The following SLC17A4 variants were observed in gnomAD, a reference collection of about 807,000 sequenced individuals.
The protein encoded by SLC17A4 is probable small intestine urate exporter.
Under a neutral mutation model 52.5 loss-of-function variants are expected in SLC17A4, and 33 were observed. That is an observed-to-expected ratio of 0.63 (90% CI 0.48 to 0.84). The LOEUF (loss-of-function observed/expected upper bound fraction) is 0.84, where lower values mean the gene tolerates loss of function less well. Ranked by LOEUF, SLC17A4 falls within the 40% of genes least tolerant of loss-of-function variation. The probability of loss-of-function intolerance (pLI) is 0.00; values close to 1 mark genes in which losing one functional copy is unlikely to be tolerated. For missense variants in SLC17A4, 585 were observed against 597.1 expected (o/e 0.98, Z 0.21); for synonymous variants, 225 against 216.2 (o/e 1.04, Z -0.36).
chr6:25,767,856 T>G (rs1762149988), intron 2 of SLC17A4, among the ~76,000 whole-genome samples: 4 of 152,224 alleles, frequency 2.6e-5, no homozygotes, highest in South Asian at 4.1e-4. Flanking sequence ...TAATTTGTCT[T>G]TCTTTATTGA....
At chr6:25,768,346 T>A (rs897566342) in intron 2 of SLC17A4, 12 of 984,984 alleles carry the variant, frequency 1.2e-5, no homozygotes, top group Non-Finnish European at 1.4e-5. Flanking sequence ...GGATAGTGGA[T>A]GAATTCTTCC....
chr6:25,776,823 C>G lies in SLC17A4; in HGVS notation c.1132C>G (p.Pro378Ala). Residue 378 changes from proline (P) to alanine (A), a missense_variant, in exon 10 of 12, where the codon CCA becomes GCA. Transcript: ENST00000377905. ...KLFTAIGVLF[P>A]SVILVSLPWV... ...TCCTCCTACCCCAGGGGTTCTCTTC[C>G]CATCCGTGATCCTCGTGTCCCTGCC... 1 of 1,613,944 alleles carries G rather than the reference C, an allele frequency of 6.2e-7. No homozygotes were observed. Among genetic ancestry groups the G allele is most frequent in the Non-Finnish European group, 8.5e-7 (1 of 1,179,900 alleles).
intron 2 of SLC17A4, among the ~76,000 whole-genome samples, chr6:25,767,825 A>G (rs1211238444): frequency 6.6e-6 from 1 of 152,164 alleles, no homozygotes; most frequent in Non-Finnish European, 1.5e-5. Flanking sequence ...ATAATCAACT[A>G]TATTTTTCAT....
intron 1 of SLC17A4, among the ~76,000 whole-genome samples, chr6:25,758,804 G>T (rs1291706215): frequency 6.6e-6 from 1 of 151,752 alleles, no homozygotes; most frequent in Non-Finnish European, 1.5e-5. Flanking sequence ...ACTTAGTTTT[G>T]CTCTGATCTT....
At chr6:25,755,801 C>G (rs1760966387) in intron 1 of SLC17A4, among the ~76,000 whole-genome samples, 1 of 152,174 alleles carries the variant, frequency 6.6e-6, no homozygotes. Flanking sequence ...AAATAAAGTT[C>G]TTGCTTTTCC....
chr6:25,769,574 A>C (rs1762307588), intron 3 of SLC17A4, among the ~76,000 whole-genome samples: 1 of 151,922 alleles, frequency 6.6e-6, no homozygotes, highest in Admixed American at 6.6e-5. Flanking sequence ...AAAAAAAAGA[A>C]AGAAAGAAAG....
chr6:25,777,239 C>A, intron 10 of SLC17A4: 1 of 376,566 alleles, frequency 2.7e-6, no homozygotes, highest in Non-Finnish European at 4.8e-6. Flanking sequence ...AGGAATGCAG[C>A]ACTTGCCTAA....
intron 1 of SLC17A4, among the ~76,000 whole-genome samples, chr6:25,757,608 T>A (rs1248282747): frequency 2.0e-5 from 3 of 152,102 alleles, no homozygotes; most frequent in Non-Finnish European, 4.4e-5. Flanking sequence ...ATTTGGTTGG[T>A]TTCTTGATCC....
intron 2 of SLC17A4, among the ~76,000 whole-genome samples, chr6:25,763,404 C>T (rs895785472): frequency 6.6e-6 from 1 of 152,242 alleles, no homozygotes; most frequent in Non-Finnish European, 1.5e-5. Flanking sequence ...AAGTATTTCT[C>T]ACAAATGCTT....
rs138073751 is a variant in SLC17A4 at position 25,776,618 on chromosome 6, G to T, written c.1011G>T (p.Pro337=). 6.2e-7 allele frequency: 1 copy of T among 1,611,320 alleles called. No homozygotes were observed. The highest frequency in any genetic ancestry group is 1.3e-5 in the African/African-American group (1 of 74,946). The part of the protein sequence containing the change: ...LRDSGILSAL[P]FVVGCICIIL... ...AGAGTGGGATCCTGTCTGCCTTGCCGTTTGTTGTTGGATGTATCTGCATTA... is the reference window on the plus strand; with the variant it reads ...AGAGTGGGATCCTGTCTGCCTTGCCTTTTGTTGTTGGATGTATCTGCATTA... Residue 337 remains proline (P), a synonymous_variant, in exon 9 of 12, where the codon CCG becomes CCT. Transcript: ENST00000377905.
chr6:25,755,560 CA>C (rs34091450), intron 1 of SLC17A4, among the ~76,000 whole-genome samples: 54,321 of 151,968 alleles, frequency 0.36, 10,490 homozygotes, highest in Middle Eastern at 0.49. Context: ...CAGACACAAG[CA>C]GTCTTGGCAA....
At position 25,773,258 on chromosome 6, in the gene SLC17A4, G is replaced by A. The variant is rs767281369; in HGVS notation, c.707-17G>A. On this transcript the variant is annotated splice_polypyrimidine_tract_variant and intron_variant, in intron 6 of 11. Coordinates refer to ENST00000377905, the MANE Select transcript of SLC17A4 (RefSeq NM_005495.3). Reference sequence around the variant, plus strand: ...TACTTCAATCCATCCAGTGCTAACTGGATCCCCTTTTCCTAGGAGGAATTG... The same window carrying A: ...TACTTCAATCCATCCAGTGCTAACTAGATCCCCTTTTCCTAGGAGGAATTG... The A allele has an allele frequency of 2.5e-6, 4 of 1,594,080 alleles. No individual in the cohort carries two copies. The East Asian group carries it at 6.7e-5, about 27-fold the overall frequency.
At chr6:25,757,092 T>A (rs1445572834) in intron 1 of SLC17A4, among the ~76,000 whole-genome samples, 2 of 152,208 alleles carry the variant, frequency 1.3e-5, no homozygotes, top group Admixed American at 6.5e-5. Flanking sequence ...CAATTTTGAG[T>A]GTGTTTTCGA....
intron 6 of SLC17A4, among the ~76,000 whole-genome samples, chr6:25,773,071 T>C (rs1762611005): frequency 6.6e-6 from 1 of 152,200 alleles, no homozygotes; most frequent in Non-Finnish European, 1.5e-5. Context: ...CTCCATGCCA[T>C]TGGCAAAAGC....
At chr6:25,775,488 T>G (rs1762834006) in intron 8 of SLC17A4, among the ~76,000 whole-genome samples, 1 of 152,062 alleles carries the variant, frequency 6.6e-6, no homozygotes. Flanking sequence ...CAGGCTGGAG[T>G]GCAGTGTTTC....
intron 1 of SLC17A4, among the ~76,000 whole-genome samples, chr6:25,757,161 T>C (rs1219487053): frequency 5.9e-5 from 9 of 152,222 alleles, no homozygotes; most frequent in African/African-American, 2.2e-4. Context: ...AATGACATCA[T>C]TGAGGCAACT....
intron 6 of SLC17A4, among the ~76,000 whole-genome samples, chr6:25,772,700 T>C (rs1581407347): frequency 6.6e-6 from 1 of 152,182 alleles, no homozygotes; most frequent in Non-Finnish European, 1.5e-5. Flanking sequence ...AGATAAGAGA[T>C]AGATATGGAA....
At chr6:25,777,840 G>A in intron 10 of SLC17A4, 86 bp from the exon 11 acceptor site, 1 of 1,078,396 alleles carries the variant, frequency 9.3e-7, no homozygotes. Flanking sequence ...TGTTTGCACA[G>A]GAATATTTGC....
chr6:25,768,220 C>A, intron 2 of SLC17A4: 1 of 225,908 alleles, frequency 4.4e-6, no homozygotes, highest in Non-Finnish European at 7.4e-6. Flanking sequence ...AAGAGCATTA[C>A]TACACAAAAT....
Sources: gnomAD v4.1 joint callset for allele counts (sites outside exome capture counted in the v4.1 genomes callset) on GRCh38, gnomAD v4.1.1 for gene constraint, MANE v1.5 for transcripts, NCBI Gene and HGNC (gene_info 2026-07-23, HGNC 2026-07-21) for gene names.